CADM2: variants seen among roughly 807,000 people sequenced by gnomAD.
CADM2 encodes immunoglobulin superfamily member 4D.
A neutral mutation model predicts 49.8 loss-of-function variants in CADM2; 12 were observed. The observed-to-expected ratio is 0.24, with a 90% CI of 0.15 to 0.39. The LOEUF is 0.39. CADM2 is among the 10% of genes least tolerant of loss of function. CADM2 has a pLI of 1.00. For missense variants in CADM2, 378 were observed against 492.3 expected, an observed-to-expected ratio of 0.77 and a Z score of 2.20; for synonymous variants, 214 against 175.4, an observed-to-expected ratio of 1.22 and a Z score of -1.74.
At chr3:85,731,649 T>C (rs1189257178) in intron 2 of CADM2, among the ~76,000 whole-genome samples, 14 of 152,194 alleles carry the variant, frequency 9.2e-5, no homozygotes, top group Admixed American at 9.2e-4. Flanking sequence ...CATATGTTTA[T>C]ATTCATTATA....
chr3:85,792,541 C>T (rs1206336443), intron 2 of CADM2, among the ~76,000 whole-genome samples: 2 of 152,198 alleles, frequency 1.3e-5, no homozygotes, highest in Non-Finnish European at 2.9e-5. Flanking sequence ...TAACTCACTT[C>T]CTCTCAAACA....
At chr3:85,034,250 AT>A (rs993159227) in intron 1 of CADM2, among the ~76,000 whole-genome samples, 1 of 152,104 alleles carries the variant, frequency 6.6e-6, no homozygotes, top group African/African-American at 2.4e-5. Flanking sequence ...TTTTGTGCAT[AT>A]TAATTGTACC....
At chr3:85,126,811 C>T (rs1459364026) in intron 1 of CADM2, among the ~76,000 whole-genome samples, 1 of 151,966 alleles carries the variant, frequency 6.6e-6, no homozygotes, top group Non-Finnish European at 1.5e-5. Flanking sequence ...CCTTATCTTT[C>T]CTGTTTGTTG....
chr3:85,951,040 G>A lies in CADM2; in HGVS notation c.792-10429G>A, dbSNP rs571320620. ...GTAGAAACTTTTGTTGTTGAGACTG[G>A]CAACAGGAGTCTTTGGGATTCTGAA... On this transcript the variant is annotated intron_variant, in intron 7 of 9. Transcript: ENST00000383699. 1.3e-4 allele frequency among the ~76,000 whole-genome samples: 19 copies of A among 150,974 alleles called. 1 individual carries two copies. The East Asian group carries it at 2.7e-3, about 22-fold the overall frequency.
intron 1 of CADM2, among the ~76,000 whole-genome samples, chr3:85,432,105 A>T (rs1342342719): frequency 6.6e-6 from 1 of 151,480 alleles, no homozygotes; most frequent in Non-Finnish European, 1.5e-5. Context: ...GATTGAAAAA[A>T]CAAAAGAGAT....
At chr3:85,356,124 G>C (rs1381393927) in intron 1 of CADM2, among the ~76,000 whole-genome samples, 1 of 152,058 alleles carries the variant, frequency 6.6e-6, no homozygotes, top group Non-Finnish European at 1.5e-5. Context: ...ACCCTCACTA[G>C]CTGCCTATCT....
chr3:85,176,292 T>C (rs1469049992), intron 1 of CADM2, among the ~76,000 whole-genome samples: 1 of 152,194 alleles, frequency 6.6e-6, no homozygotes. Context: ...CTCATAAATA[T>C]TATCTATAGA....
chr3:84,959,110 C>T lies in CADM2; in HGVS notation c.-498C>T. The T allele has an allele frequency of 5.1e-6, 1 of 196,096 alleles. No homozygotes were observed. Among genetic ancestry groups the T allele is most frequent in the South Asian group, 6.7e-5 (1 of 15,022 alleles). 12.1% of individuals were successfully genotyped at this position (196,096 alleles called of 1,614,324 possible). ...ACCGCCACTAGCGCTGCTTCCACTGCTTCTACCTCCCCTCCCAGGACCCCG... is the reference window on the plus strand; with the variant it reads ...ACCGCCACTAGCGCTGCTTCCACTGTTTCTACCTCCCCTCCCAGGACCCCG... On this transcript the variant is annotated 5_prime_UTR_variant, in exon 1 of 10. Coordinates refer to ENST00000383699, the MANE Select transcript of CADM2 (RefSeq NM_001167675.2).
At chr3:85,363,118 C>G (rs1345433832) in intron 1 of CADM2, among the ~76,000 whole-genome samples, 1 of 152,158 alleles carries the variant, frequency 6.6e-6, no homozygotes, top group Non-Finnish European at 1.5e-5. Context: ...CTACACAGCA[C>G]TGCACAGGAA....
rs1244059709 is a variant in CADM2, at chr3:85,912,398, T to C, written c.555T>C (p.Asp185=). ...ATGTAAAATATTTAAAAGAAGAGGATGCAAATCGCAAGACATTCACTGTCA... is the reference window on the plus strand; with the variant it reads ...ATGTAAAATATTTAAAAGAAGAGGACGCAAATCGCAAGACATTCACTGTCA... ...IKDVKYLKEE[D]ANRKTFTVSS... Residue 185 remains aspartate (D), a synonymous_variant, in exon 6 of 10, where the codon GAT becomes GAC. Coordinates refer to ENST00000383699, the MANE Select transcript of CADM2 (RefSeq NM_001167675.2). 4 of 1,610,504 alleles carry C rather than the reference T, an allele frequency of 2.5e-6. No individual in the cohort carries two copies. In the East Asian group the frequency reaches 6.7e-5, roughly 27 times the overall value.
intron 1 of CADM2, among the ~76,000 whole-genome samples, chr3:85,656,272 C>A (rs923030885): frequency 4.1e-4 from 62 of 152,092 alleles, no homozygotes; most frequent in African/African-American, 1.5e-3. Context: ...TCTCATAAAT[C>A]AATTTATCTA....
chr3:85,949,787 TA>T (rs2108583074), intron 7 of CADM2, among the ~76,000 whole-genome samples: 1 of 151,158 alleles, frequency 6.6e-6, no homozygotes, highest in East Asian at 1.9e-4. Context: ...ACACAGTGTT[TA>T]ATATCAATAC....
chr3:85,157,421 A>G (rs183477599), intron 1 of CADM2, among the ~76,000 whole-genome samples: 10 of 151,926 alleles, frequency 6.6e-5, no homozygotes, highest in African/African-American at 2.4e-4. Context: ...GAGGCATCAC[A>G]CTACCTGACT....
At chr3:85,114,734 A>T (rs533402790) in intron 1 of CADM2, among the ~76,000 whole-genome samples, 29 of 152,086 alleles carry the variant, frequency 1.9e-4, no homozygotes, top group Non-Finnish European at 3.1e-4. Context: ...AAATTTTTTA[A>T]CCTTTCTAAG....
At chr3:85,287,423 A>G (rs1376504187) in intron 1 of CADM2, among the ~76,000 whole-genome samples, 2 of 152,092 alleles carry the variant, frequency 1.3e-5, no homozygotes, top group African/African-American at 4.8e-5. Flanking sequence ...TTCATATGCT[A>G]TATTGCTCAA....
chr3:85,919,535 A>G (rs550422576), intron 6 of CADM2, among the ~76,000 whole-genome samples: 4 of 152,066 alleles, frequency 2.6e-5, no homozygotes, highest in Admixed American at 2.0e-4. Context: ...TCCAATTGTT[A>G]CTAAAATTAT....
chr3:85,188,676 T>G (rs1339588909), intron 1 of CADM2, among the ~76,000 whole-genome samples: 1 of 152,070 alleles, frequency 6.6e-6, no homozygotes, highest in Non-Finnish European at 1.5e-5. Context: ...TACATTTCAT[T>G]ATCTCTCTTT....
chr3:85,364,050 T>A (rs2032561080), intron 1 of CADM2, among the ~76,000 whole-genome samples: 1 of 152,202 alleles, frequency 6.6e-6, no homozygotes, highest in Non-Finnish European at 1.5e-5. Flanking sequence ...TAAAACTGTT[T>A]TGGGGCCTAG....
intron 1 of CADM2, among the ~76,000 whole-genome samples, chr3:85,477,383 A>T (rs1229248667): frequency 9.1e-6 from 1 of 110,458 alleles, no homozygotes; most frequent in African/African-American, 2.5e-5. Flanking sequence ...TAAGAAGAAG[A>T]TTAATATGAA....
Sources: gnomAD v4.1 joint callset for allele counts (sites outside exome capture counted in the v4.1 genomes callset) on GRCh38, gnomAD v4.1.1 for gene constraint, MANE v1.5 for transcripts, NCBI Gene and HGNC (gene_info 2026-07-23, HGNC 2026-07-21) for gene names.